Variants in ITPR3 observed in about 807,000 individuals in gnomAD.
ITPR3 encodes the protein inositol 1,4,5-trisphosphate receptor type 3.
In ITPR3, 173 loss-of-function variants were observed where a neutral mutation model predicts 293.2. That is an observed-to-expected ratio of 0.59 (90% confidence interval 0.52 to 0.67). The LOEUF (loss-of-function observed/expected upper bound fraction) is 0.67. ITPR3 is among the 30% of genes least tolerant of loss of function. The pLI is 0.00. For synonymous variants in ITPR3, 1,295 were observed against 1,444.4 expected, an observed-to-expected ratio of 0.90 and a Z score of 2.35; for missense variants, 2,796 against 3,592.1, an observed-to-expected ratio of 0.78 and a Z score of 5.66.
Position 33,688,441 on chromosome 6 carries a change from C to T in ITPR3, c.6568+10C>T. On this transcript the variant is annotated intron_variant, in intron 48 of 57. Coordinates refer to ENST00000605930, the MANE Select transcript of ITPR3 (RefSeq NM_002224.4). Reference sequence around the variant, plus strand: ...CAGCGCAAGCTCCGCAGTGAGGACCCACGGGCGGGAGGGTGGGGCGGTCTG... The same window carrying T: ...CAGCGCAAGCTCCGCAGTGAGGACCTACGGGCGGGAGGGTGGGGCGGTCTG... 1 of 465,114 alleles carries T rather than the reference C, an allele frequency of 2.2e-6. No individual in the cohort carries two copies. Among genetic ancestry groups the T allele is most frequent in the Non-Finnish European group, 3.7e-6 (1 of 266,724 alleles). 28.8% of individuals were successfully genotyped at this position (465,114 alleles called of 1,614,324 possible). A position where few individuals can be genotyped will look rare whatever the true frequency, so the allele number is the denominator to read the frequency against.
chr6:33,691,981 T>G lies in ITPR3; in HGVS notation c.7458+53T>G. On this transcript the variant is annotated intron_variant, in intron 54 of 57. Transcript: ENST00000605930. This position sits in a 1 kb window ranked among gnomAD's most constrained non-coding sequence, Gnocchi z 4.9. ...TGTGGGGCCCAAGCCACTGTCCAGA[T>G]CAGCAACTGTGGAGAGTCCTGTCCT... The G allele has an allele frequency of 4.3e-6, 7 of 1,610,066 alleles. No homozygotes were observed. Among genetic ancestry groups the G allele is most frequent in the Non-Finnish European group, 5.9e-6 (7 of 1,178,530 alleles).
chr6:33,677,199 A>G (rs1428678831), intron 27 of ITPR3, 110 bp downstream of exon 27: 3 of 997,006 alleles, frequency 3.0e-6, no homozygotes, highest in Non-Finnish European at 4.7e-6. Flanking sequence ...TGGCCCTCAC[A>G]AGAGACATCT....
chr6:33,685,243 T>C (rs1405465168), intron 39 of ITPR3, 116 bp from the exon 40 acceptor site: 3 of 1,073,364 alleles, frequency 2.8e-6, no homozygotes, highest in African/African-American at 1.6e-5. Flanking sequence ...CACCCAGGCC[T>C]GCAGCCAGGC....
chr6:33,673,703 C>G lies in ITPR3; in HGVS notation c.3041C>G (p.Pro1014Arg). The change falls in exon 23 of 58, where the codon CCT becomes CGT. Residue 1014 changes from proline to arginine, a missense_variant. This residue lies in a region of ITPR3 where 955 missense variants were observed against 1,180.8 expected (regional missense o/e 0.81). Coordinates refer to ENST00000605930, the MANE Select transcript of ITPR3 (RefSeq NM_002224.4). ...MQDSGADGTAPAFDSTTANMN... is the reference protein window; with the variant it reads ...MQDSGADGTARAFDSTTANMN... The stretch of plus-strand genomic sequence containing the variant: ...GACAGTGGGGCTGATGGCACAGCCC[C>G]TGCCTTCGACTCTACCAGTAAGCCC... 5 of 1,614,168 alleles carry G rather than the reference C, an allele frequency of 3.1e-6. 1 individual carries two copies. Among genetic ancestry groups the G allele is most frequent in the Non-Finnish European group, 3.4e-6 (4 of 1,180,004 alleles).
At chr6:33,694,698 C>CCA in intron 56 of ITPR3, 1 of 550,650 alleles carries the variant, frequency 1.8e-6, no homozygotes, top group Admixed American at 3.4e-5. Flanking sequence ...CGCTGCCTAA[C>CCA]GGAAGTCAGC....
At position 33,684,749 on chromosome 6, in the gene ITPR3, T is replaced by C; in HGVS notation, c.5138-25T>C. ...TTCCACTCTCCTGTCACACCAGCTC[T>C]CCCTCAACCGAGTCCCGCCTCCAGG... On this transcript the variant is annotated intron_variant, in intron 38 of 57. Coordinates refer to ENST00000605930, the MANE Select transcript of ITPR3 (RefSeq NM_002224.4). The surrounding 1 kb of genome is among the most constrained non-coding windows in gnomAD (Gnocchi z 4.2). The C allele has an allele frequency of 6.2e-7, 1 of 1,609,788 alleles. No homozygotes were observed. Among genetic ancestry groups the C allele is most frequent in the Non-Finnish European group, 8.5e-7 (1 of 1,177,168 alleles).
chr6:33,626,686 G>A (rs55814525), intron 1 of ITPR3, among the ~76,000 whole-genome samples: 6 of 152,350 alleles, frequency 3.9e-5, no homozygotes, highest in East Asian at 3.9e-4. Flanking sequence ...AGCTTGTTCC[G>A]TTCTGTGCAG....
intron 3 of ITPR3, among the ~76,000 whole-genome samples, chr6:33,657,118 T>C (rs374884482): frequency 6.6e-6 from 1 of 152,138 alleles, no homozygotes; most frequent in African/African-American, 2.4e-5. Flanking sequence ...ACATGGTCCA[T>C]GGCAAGGCTC....
intron 42 of ITPR3, 48 bp from the exon 43 acceptor site, chr6:33,686,361 C>T (rs371859834): frequency 2.5e-6 from 4 of 1,598,106 alleles, no homozygotes; most frequent in Admixed American, 3.3e-5. Context: ...GGAGCTGCCA[C>T]TATTCTGAGA....
intron 1 of ITPR3, among the ~76,000 whole-genome samples, chr6:33,623,799 T>C (rs930845484): frequency 6.6e-6 from 1 of 152,170 alleles, no homozygotes; most frequent in Non-Finnish European, 1.5e-5. Flanking sequence ...CAGATCCTGG[T>C]GACCTCTAGA....
rs775507970 is a variant in ITPR3, at chr6:33,684,494, G to A, written c.5046+29G>A. ...AGTGCCCTGGTGGGGCAAGTGCTGG[G>A]TGGGCCAGTCAGGAGTACCCAGGGG... On this transcript the variant is annotated intron_variant, in intron 37 of 57. Transcript: ENST00000605930. The surrounding 1 kb of genome is among the most constrained non-coding windows in gnomAD (Gnocchi z 4.2). 4 of 1,610,188 alleles carry A rather than the reference G, an allele frequency of 2.5e-6. No individual in the cohort carries two copies. The highest frequency in any genetic ancestry group is 3.4e-6 in the Non-Finnish European group (4 of 1,176,490).
Position 33,682,616 on chromosome 6 carries a change from G to A in ITPR3, c.4569G>A (p.Glu1523=). The change falls in exon 34 of 58, where the codon GAG becomes GAA. Residue 1523 remains glutamate (E), a synonymous_variant. Transcript: ENST00000605930. The surrounding 1 kb of genome is among the most constrained non-coding windows in gnomAD (Gnocchi z 5.4). ...WLQQQHKGSV[E]ACIRTLAMVA... ...AGCAGCAGCACAAGGGCTCCGTGGA[G>A]GCCTGCATCCGGACCCTCGCCATGG... is the stretch of plus-strand genomic sequence containing the variant. 6.3e-7 allele frequency: 1 copy of A among 1,598,832 alleles called. No homozygotes were observed.
intron 2 of ITPR3, among the ~76,000 whole-genome samples, chr6:33,641,019 C>T (rs539764945): frequency 6.6e-6 from 1 of 152,274 alleles, no homozygotes; most frequent in East Asian, 1.9e-4. Context: ...GTCCTCAGCC[C>T]CCTCCTGTGT....
rs1763442914 is a variant in ITPR3 at position 33,621,781 on chromosome 6, G to A, written c.89+90G>A. ...TGCGTGCGTCCAGCCGCCGCCCCCC[G>A]ATAGAGGCCTGGACGTCCCCCTAGT... On this transcript the variant is annotated intron_variant, in intron 1 of 57. Transcript: ENST00000605930. This position sits in a 1 kb window ranked among gnomAD's most constrained non-coding sequence, Gnocchi z 7.7. 7.4e-6 allele frequency: 7 copies of A among 941,950 alleles called. No homozygotes were observed. In the South Asian group the frequency reaches 1.0e-4, roughly 14 times the overall value. 58.3% of individuals were successfully genotyped at this position (941,950 alleles called of 1,614,324 possible).
rs1318652107 is a variant in ITPR3, at chr6:33,633,631, T to C, written c.90-6853T>C. 7.9e-5 allele frequency among the ~76,000 whole-genome samples: 12 copies of C among 151,322 alleles called. No individual in the cohort carries two copies. In the East Asian group the frequency reaches 2.1e-3, roughly 27 times the overall value. On this transcript the variant is annotated intron_variant, in intron 1 of 57. Coordinates refer to ENST00000605930, the MANE Select transcript of ITPR3 (RefSeq NM_002224.4). This position sits in a 1 kb window ranked among gnomAD's most constrained non-coding sequence, Gnocchi z 5.2. ...CGCGTCTGGCGGAGGCGCGGCGTCC[T>C]GGCAGCGGCCGGCAGTCGGAGGCAG...
chr6:33,662,897 C>G lies in ITPR3; in HGVS notation c.859-14C>G. ...CCAGTCTCTCCTTCCTGCCTCACAC[C>G]TGTGTGCCCCTAGGTGGTCCACCAC... On this transcript the variant is annotated splice_polypyrimidine_tract_variant and intron_variant, in intron 8 of 57. Transcript: ENST00000605930. 6.3e-7 allele frequency: 1 copy of G among 1,577,302 alleles called. No homozygotes were observed. The highest frequency in any genetic ancestry group is 8.6e-7 in the Non-Finnish European group (1 of 1,160,032).
rs371620885 is a variant in ITPR3 at position 33,684,658 on chromosome 6, C to T, written c.5107C>T (p.Arg1703Trp). 1.6e-4 allele frequency: 261 copies of T among 1,614,076 alleles called. 2 individuals carry two copies. Among genetic ancestry groups the T allele is most frequent in the South Asian group, 1.2e-3 (112 of 91,074 alleles). ...NYLQNRKSTSRGDLPDPIGTG... is the reference protein window; with the variant it reads ...NYLQNRKSTSWGDLPDPIGTG... The stretch of plus-strand genomic sequence containing the variant: ...CCTCCAGAACCGGAAGTCCACCTCG[C>T]GGGGGGACCTTCCCGACCCCATAGG... Residue 1703 changes from arginine (R) to tryptophan (W), a missense_variant, in exon 38 of 58, where the codon CGG (arginine) becomes TGG (tryptophan). This residue lies in a region of ITPR3 where 704 missense variants were observed against 797.5 expected (regional missense o/e 0.88). Transcript: ENST00000605930. The surrounding 1 kb of genome is among the most constrained non-coding windows in gnomAD (Gnocchi z 4.2).
At chr6:33,643,429 A>T (rs1225509202) in intron 2 of ITPR3, among the ~76,000 whole-genome samples, 1 of 152,062 alleles carries the variant, frequency 6.6e-6, no homozygotes, top group African/African-American at 2.4e-5. Flanking sequence ...AAGCCCCAAC[A>T]TGTTCAGGGA....
At chr6:33,650,366 A>G (rs1764158599) in intron 2 of ITPR3, among the ~76,000 whole-genome samples, 1 of 152,224 alleles carries the variant, frequency 6.6e-6, no homozygotes, top group Non-Finnish European at 1.5e-5. Flanking sequence ...GGGAGGATCT[A>G]TGTGAGAGAA....
Sources: gnomAD v4.1 joint callset for allele counts (sites outside exome capture counted in the v4.1 genomes callset) on GRCh38, gnomAD v4.1.1 for gene constraint, gnomAD v4.1.1 regional missense constraint, Gnocchi (gnomAD v3.1) non-coding constraint, MANE v1.5 for transcripts, NCBI Gene and HGNC (gene_info 2026-07-23, HGNC 2026-07-21) for gene names.